ACOT11: variants seen among roughly 807,000 people sequenced by gnomAD.
The protein encoded by ACOT11 is acyl-CoA thioesterase 11.
In ACOT11, 69 loss-of-function variants were observed where a neutral mutation model predicts 77.5. The ratio of observed to expected loss-of-function variants is 0.89; its 90% confidence interval spans 0.73 to 1.09. The LOEUF (loss-of-function observed/expected upper bound fraction) is 1.09, where lower values mean the gene tolerates loss of function less well. Ranked by LOEUF, ACOT11 falls within the 50% of genes least tolerant of loss-of-function variation. The pLI, the probability that ACOT11 is intolerant of heterozygous loss-of-function variation, is 0.00. For synonymous variants in ACOT11, 279 were observed against 313.0 expected (o/e 0.89, Z 1.15); for missense variants, 766 against 813.7 (o/e 0.94, Z 0.71).
At chr1:54,560,892 T>C (rs1653451463) in intron 1 of ACOT11, among the ~76,000 whole-genome samples, 1 of 151,936 alleles carries the variant, frequency 6.6e-6, no homozygotes, top group Non-Finnish European at 1.5e-5. Flanking sequence ...CGGCTAATTG[T>C]TTGTATTTTT....
chr1:54,635,890 T>C (rs899996452), exon 17 of ACOT11: 2 of 152,518 alleles, frequency 1.3e-5, no homozygotes, highest in Admixed American at 1.3e-4. Context: ...TAACGCCCAA[T>C]CTGGAAGGTT....
chr1:54,572,570 G>T (rs79556901), intron 1 of ACOT11, among the ~76,000 whole-genome samples: 3 of 148,526 alleles, frequency 2.0e-5, no homozygotes, highest in South Asian at 4.2e-4. Flanking sequence ...GCTCCCCTGA[G>T]GGGGGGGGTC....
downstream of ACOT11, chr1:54,614,661 A>C: frequency 6.3e-7 from 1 of 1,576,356 alleles, no homozygotes; most frequent in Non-Finnish European, 8.6e-7. Flanking sequence ...TTGACAGAAG[A>C]GGGCTGGACA....
intron 15 of ACOT11, among the ~76,000 whole-genome samples, chr1:54,629,379 C>T (rs930087224): frequency 3.8e-5 from 5 of 130,418 alleles, no homozygotes; most frequent in Admixed American, 7.9e-5. Context: ...CTCTGCCTCC[C>T]GGGTTCAAGT....
In ACOT11 at chr1:54,584,808, G is replaced by A; in HGVS notation, c.187G>A (p.Glu63Lys). ...VLPCHTNQRG[E>K]LSVGQLLKWI... ...GCCCTGCCACACCAACCAACGTGGT[G>A]AGCTGAGCGTCGGGCAGCTGCTCAA... Residue 63 changes from glutamate (E) to lysine (K), a missense_variant, in exon 2 of 16, where the codon GAG (glutamate) becomes AAG (lysine). By Grantham distance (56) the Glu-to-Lys change is moderately conservative. Transcript: ENST00000343744. This position sits in a 1 kb window ranked among gnomAD's most constrained non-coding sequence, Gnocchi z 6.3. 3.1e-6 allele frequency: 5 copies of A among 1,614,126 alleles called. No individual in the cohort carries two copies. Among genetic ancestry groups the A allele is most frequent in the Non-Finnish European group, 4.2e-6 (5 of 1,180,042 alleles).
intron 1 of ACOT11, among the ~76,000 whole-genome samples, chr1:54,575,243 C>T (rs1179318635): frequency 6.6e-6 from 1 of 152,188 alleles, no homozygotes; most frequent in African/African-American, 2.4e-5. Context: ...GTGATAGCAC[C>T]TCACATATTT....
intron 1 of ACOT11, among the ~76,000 whole-genome samples, chr1:54,577,711 T>C (rs1199468570): frequency 6.6e-6 from 1 of 152,236 alleles, no homozygotes; most frequent in Admixed American, 6.5e-5. Context: ...GGTATTTCTG[T>C]GTTTAACTTT....
chr1:54,594,794 A>G (rs1383948768), intron 6 of ACOT11, 103 bp downstream of exon 6: 2 of 1,462,116 alleles, frequency 1.4e-6, no homozygotes, highest in South Asian at 1.4e-5. Context: ...GGCTCCGGGG[A>G]CTTCCACCCA....
In ACOT11 at chr1:54,554,104, T is replaced by G. The variant is rs987757973; in HGVS notation, c.33+5762T>G. Among the ~76,000 whole-genome samples, 3 of 150,676 alleles carry G rather than the reference T, an allele frequency of 2.0e-5. No homozygotes were observed. The Admixed American group carries it at 2.0e-4, about 10-fold the overall frequency. ...GGGAGGATGGCTTGAGCCTGGGAGG[T>G]GAAGGTTGCTGTGAGCTGAAGTTAT... On this transcript the variant is annotated intron_variant, in intron 1 of 15. Transcript: ENST00000343744.
rs1644049035 is a variant in ACOT11, at chr1:54,607,942, G to A, written c.1503G>A (p.Gly501=). Residue 501 remains glycine, a splice_region_variant and synonymous_variant, in exon 15 of 16, where the codon GGG becomes GGA. Coordinates refer to ENST00000343744, the MANE Select transcript of ACOT11 (RefSeq NM_147161.4). The surrounding 1 kb of genome is among the most constrained non-coding windows in gnomAD (Gnocchi z 4.5). ...CCCTTGCTACCCTTCCTTCACTCAGGGACCCCTATGTCATCGCGCTGAGGT... is the reference window on the plus strand; with the variant it reads ...CCCTTGCTACCCTTCCTTCACTCAGAGACCCCTATGTCATCGCGCTGAGGT... The part of the protein sequence containing the change: ...LASRRKPCDN[G]DPYVIALRSV... 3 of 1,613,708 alleles carry A rather than the reference G, an allele frequency of 1.9e-6. No homozygotes were observed. Among genetic ancestry groups the A allele is most frequent in the Non-Finnish European group, 2.5e-6 (3 of 1,179,856 alleles).
At chr1:54,601,138 T>G in intron 8 of ACOT11, 131 bp from the exon 9 acceptor site, 1 of 843,162 alleles carries the variant, frequency 1.2e-6, no homozygotes, top group Non-Finnish European at 1.7e-6. Flanking sequence ...TGTGTGTGCA[T>G]ACGTGTGTGT....
At chr1:54,562,244 C>T (rs1288235202) in intron 1 of ACOT11, among the ~76,000 whole-genome samples, 7 of 112,278 alleles carry the variant, frequency 6.2e-5, no homozygotes, top group Non-Finnish European at 9.0e-5. Context: ...CCCTCCCGGA[C>T]GGGGCGGCTG....
intron 3 of ACOT11, among the ~76,000 whole-genome samples, chr1:54,589,234 C>T (rs1228657628): frequency 6.7e-6 from 1 of 149,432 alleles, no homozygotes; most frequent in Non-Finnish European, 1.5e-5. Flanking sequence ...TCAGGCTGGT[C>T]TTGAATTCCT....
At chr1:54,559,289 G>A (rs949398380) in intron 1 of ACOT11, among the ~76,000 whole-genome samples, 1 of 151,102 alleles carries the variant, frequency 6.6e-6, no homozygotes, top group Non-Finnish European at 1.5e-5. Flanking sequence ...CAGGGCCCCA[G>A]GCTGAGCTGA....
At chr1:54,571,065 C>A (rs1201586900) in intron 1 of ACOT11, among the ~76,000 whole-genome samples, 1 of 141,634 alleles carries the variant, frequency 7.1e-6, no homozygotes, top group Non-Finnish European at 1.5e-5. Flanking sequence ...ATGATATTCT[C>A]TCTCTCTTTT....
intron 1 of ACOT11, among the ~76,000 whole-genome samples, chr1:54,578,713 A>G (rs952825213): frequency 1.7e-4 from 26 of 152,176 alleles, no homozygotes; most frequent in African/African-American, 6.3e-4. Context: ...TGTGATAGAA[A>G]GGAGAATGAA....
chr1:54,611,704 G>A (rs137923187), downstream of ACOT11: 339 of 1,614,098 alleles, frequency 2.1e-4, 1 homozygote, highest in African/African-American at 3.8e-3. Flanking sequence ...ATCTTCCACC[G>A]ACATGGGGTC....
chr1:54,633,646 T>C (rs1383784171), intron 16 of ACOT11, among the ~76,000 whole-genome samples: 5 of 152,192 alleles, frequency 3.3e-5, no homozygotes, highest in African/African-American at 1.2e-4. Context: ...GGCAAGCAAT[T>C]GAACCTACCC....
At chr1:54,596,776 T>C (rs560278006) in intron 6 of ACOT11, among the ~76,000 whole-genome samples, 1 of 152,324 alleles carries the variant, frequency 6.6e-6, no homozygotes, top group Non-Finnish European at 1.5e-5. Context: ...AGTTTCACCA[T>C]GTTGGCCAGG....
Sources: allele counts gnomAD v4.1 joint callset (sites outside exome capture counted in the v4.1 genomes callset), GRCh38; gene constraint gnomAD v4.1.1; non-coding constraint Gnocchi (gnomAD v3.1); transcripts MANE v1.5; gene names NCBI Gene and HGNC (gene_info 2026-07-23, HGNC 2026-07-21).